The following DLGAP2 variants were observed in gnomAD, a reference collection of about 807,000 sequenced individuals.
DLGAP2 encodes DLG associated protein 2.
In DLGAP2, 26 loss-of-function variants were observed where a neutral mutation model predicts 100.3. The observed-to-expected ratio is 0.26, with a 90% CI of 0.19 to 0.36. The LOEUF (loss-of-function observed/expected upper bound fraction) is 0.36, where lower values mean the gene tolerates loss of function less well. Among genes scored for constraint, DLGAP2 ranks in the 10% least tolerant of loss-of-function variants. DLGAP2 has a pLI of 1.00. For missense variants in DLGAP2, 1,858 were observed against 1,453.2 expected (o/e 1.28, Z -4.53); for synonymous variants, 886 against 630.1 (o/e 1.41, Z -6.08).
chr8:1,636,672 G>C (rs755197870), intron 8 of DLGAP2, among the ~76,000 whole-genome samples: 3 of 152,288 alleles, frequency 2.0e-5, no homozygotes, highest in Admixed American at 6.5e-5. Context: ...ATTTTCAGGC[G>C]TGTGAGCCTG....
intron 2 of DLGAP2, among the ~76,000 whole-genome samples, chr8:1,059,588 G>T (rs1183532390): frequency 6.6e-6 from 1 of 152,186 alleles, no homozygotes; most frequent in Admixed American, 6.5e-5. Flanking sequence ...GGAGGCAGGG[G>T]TGTGTTCATG....
At chr8:919,913 T>G (rs769103090) in intron 2 of DLGAP2, among the ~76,000 whole-genome samples, 21 of 152,174 alleles carry the variant, frequency 1.4e-4, no homozygotes, top group Non-Finnish European at 2.2e-4. Context: ...GTAGCAGTTT[T>G]AATAACTCCC....
At chr8:1,672,263 G>C (rs1197987368) in intron 10 of DLGAP2, among the ~76,000 whole-genome samples, 1 of 139,412 alleles carries the variant, frequency 7.2e-6, no homozygotes, top group Non-Finnish European at 1.5e-5. Context: ...GTCTCACTCT[G>C]TTGCCCAGGC....
At chr8:1,681,785 A>G (rs1185380607) in intron 12 of DLGAP2, among the ~76,000 whole-genome samples, 2 of 152,264 alleles carry the variant, frequency 1.3e-5, no homozygotes, top group Non-Finnish European at 2.9e-5. Context: ...CATTCTACAG[A>G]TAAACTGGGG....
At chr8:1,270,754 A>C (rs868488495) in intron 3 of DLGAP2, among the ~76,000 whole-genome samples, 11 of 131,858 alleles carry the variant, frequency 8.3e-5, no homozygotes, top group South Asian at 2.5e-4. Flanking sequence ...CTGTGTGTCT[A>C]CCTCTCTCTG....
intron 1 of DLGAP2, among the ~76,000 whole-genome samples, chr8:804,108 C>T (rs1796221951): frequency 6.6e-6 from 1 of 152,080 alleles, no homozygotes; most frequent in Admixed American, 6.6e-5. Context: ...ACTAGGATAT[C>T]CCATGCATGG....
chr8:1,257,348 CTT>C (rs976823613), intron 2 of DLGAP2, among the ~76,000 whole-genome samples: 6 of 152,110 alleles, frequency 3.9e-5, no homozygotes, highest in African/African-American at 1.4e-4. Context: ...TGCCTCCTAA[CTT>C]TTATTTTGAA....
intron 6 of DLGAP2, among the ~76,000 whole-genome samples, chr8:1,606,335 C>A (rs531788793): frequency 6.6e-6 from 1 of 152,228 alleles, no homozygotes; most frequent in East Asian, 1.9e-4. Context: ...TATGGACTTG[C>A]GCGAACATCA....
chr8:1,549,676 A>C lies in DLGAP2; in HGVS notation c.1223A>C (p.Tyr408Ser), dbSNP rs1389713526. 3 of 1,545,836 alleles carry C rather than the reference A, an allele frequency of 1.9e-6. No homozygotes were observed. The highest frequency in any genetic ancestry group is 2.6e-6 in the Non-Finnish European group (3 of 1,143,776). The change falls in exon 5 of 15, where the codon TAC becomes TCC. Residue 408 changes from tyrosine to serine, a missense_variant. Transcript: ENST00000637795. The part of the protein sequence containing the change: ...DAKPALRPCH[Y>S]LQVPQDEWGG... Reference sequence around the variant, plus strand: ...AAGCCCGCCCTGAGGCCGTGCCACTACCTCCAGGTAAGCAGGCTCACGGCC... The same window carrying C: ...AAGCCCGCCCTGAGGCCGTGCCACTCCCTCCAGGTAAGCAGGCTCACGGCC...
At chr8:1,027,594 G>C (rs1238878840) in intron 2 of DLGAP2, among the ~76,000 whole-genome samples, 1 of 148,736 alleles carries the variant, frequency 6.7e-6, no homozygotes, top group Non-Finnish European at 1.5e-5. Context: ...TGGGGTGCCA[G>C]GGGCCCGTTA....
intron 5 of DLGAP2, among the ~76,000 whole-genome samples, chr8:1,557,856 T>G (rs1802018954): frequency 6.6e-6 from 1 of 152,188 alleles, no homozygotes; most frequent in Non-Finnish European, 1.5e-5. Context: ...CATTTTACCT[T>G]CTTCACCTCT....
Position 749,486 on chromosome 8 carries a change from A to G in DLGAP2, c.18+11661A>G, listed in dbSNP as rs144898469. On this transcript the variant is annotated intron_variant, in intron 1 of 14. Coordinates refer to ENST00000637795, the MANE Select transcript of DLGAP2 (RefSeq NM_001346810.2). ...TTTTTTTCACTTTATATTCTTTTCT[A>G]AGAATTTGCCTGTATATTCAAAACA... Among the ~76,000 whole-genome samples, 15 of 152,082 alleles carry G rather than the reference A, an allele frequency of 9.9e-5. No individual in the cohort carries two copies. In the East Asian group the frequency reaches 2.9e-3, roughly 29 times the overall value.
chr8:1,526,778 G>A (rs950464542), intron 4 of DLGAP2, among the ~76,000 whole-genome samples: 11 of 152,178 alleles, frequency 7.2e-5, no homozygotes, highest in South Asian at 2.1e-4. Context: ...GTCTATCCCT[G>A]TTATTGGAAA....
At chr8:1,321,615 C>CT (rs1455380776) in intron 3 of DLGAP2, among the ~76,000 whole-genome samples, 7 of 152,182 alleles carry the variant, frequency 4.6e-5, no homozygotes, top group Admixed American at 4.6e-4. Flanking sequence ...CATCAGGATA[C>CT]TTTTTTTCAT....
At chr8:1,696,805 C>A (rs1309121530) in intron 13 of DLGAP2, among the ~76,000 whole-genome samples, 2 of 152,216 alleles carry the variant, frequency 1.3e-5, no homozygotes, top group East Asian at 3.8e-4. Context: ...CTCACGGAGC[C>A]CTGTCCCTTC....
chr8:1,245,429 C>T lies in DLGAP2; in HGVS notation c.74-13422C>T, dbSNP rs997301658. ...TCTCTAGCAATAAAGGAATGGAGCA[C>T]CGATGCATGCTGTGACACAGACGAA... On this transcript the variant is annotated intron_variant, in intron 2 of 14. Coordinates refer to ENST00000637795, the MANE Select transcript of DLGAP2 (RefSeq NM_001346810.2). 3.3e-5 allele frequency among the ~76,000 whole-genome samples: 5 copies of T among 152,156 alleles called. 1 individual carries two copies. In the South Asian group the frequency reaches 8.3e-4, roughly 25 times the overall value.
chr8:1,184,477 C>T (rs979483649), intron 2 of DLGAP2, among the ~76,000 whole-genome samples: 3 of 152,230 alleles, frequency 2.0e-5, no homozygotes, highest in Non-Finnish European at 4.4e-5. Context: ...CCATTCTTCT[C>T]TGGGAGCCAG....
intron 2 of DLGAP2, among the ~76,000 whole-genome samples, chr8:1,062,296 G>C (rs1803107951): frequency 1.3e-5 from 2 of 152,206 alleles, no homozygotes; most frequent in Admixed American, 1.3e-4. Flanking sequence ...GCAGTGCCTG[G>C]TTTGCAGAGC....
At chr8:972,624 T>TTTTC (rs1277367498) in intron 2 of DLGAP2, among the ~76,000 whole-genome samples, 28 of 147,602 alleles carry the variant, frequency 1.9e-4, no homozygotes, top group Middle Eastern at 3.4e-3. Flanking sequence ...TTCTTATTTA[T>TTTTC]TTATTTATTT....
Sources: gnomAD v4.1 joint callset for allele counts (sites outside exome capture counted in the v4.1 genomes callset) on GRCh38, gnomAD v4.1.1 for gene constraint, MANE v1.5 for transcripts, NCBI Gene and HGNC (gene_info 2026-07-23, HGNC 2026-07-21) for gene names.